MED12L: variants seen among roughly 807,000 people sequenced by gnomAD.
MED12L encodes the protein mediator of RNA polymerase II transcription subunit 12-like protein.
A neutral mutation model predicts 281.3 loss-of-function variants in MED12L; 60 were observed. The observed-to-expected ratio is 0.21, with a 90% confidence interval of 0.17 to 0.26. MED12L has a LOEUF of 0.26. MED12L is among the 10% of genes least tolerant of loss of function. The probability of loss-of-function intolerance (pLI) is 1.00; values close to 1 mark genes in which losing one functional copy is unlikely to be tolerated. For synonymous variants in MED12L, 974 were observed against 987.2 expected, an observed-to-expected ratio of 0.99 and a Z score of 0.25; for missense variants, 2,146 against 2,680.9, an observed-to-expected ratio of 0.80 and a Z score of 4.41.
At chr3:151,126,592 C>T (rs1017544109) in intron 4 of MED12L, among the ~76,000 whole-genome samples, 12 of 152,106 alleles carry the variant, frequency 7.9e-5, no homozygotes, top group African/African-American at 2.9e-4. Context: ...AGAAAAATGC[C>T]ATGCTATATC....
intron 42 of MED12L, among the ~76,000 whole-genome samples, chr3:151,414,625 C>G (rs997385559): frequency 1.3e-5 from 2 of 152,112 alleles, no homozygotes; most frequent in Admixed American, 1.3e-4. Context: ...AACACACCCT[C>G]TGGAACTGGG....
chr3:151,397,901 TG>T (rs1278975294), intron 39 of MED12L, among the ~76,000 whole-genome samples: 1 of 152,238 alleles, frequency 6.6e-6, no homozygotes, highest in African/African-American at 2.4e-5. Flanking sequence ...AAACTGATTT[TG>T]GAATTCAGCA....
chr3:151,241,176 G>C (rs555973236), intron 16 of MED12L, among the ~76,000 whole-genome samples: 6 of 152,258 alleles, frequency 3.9e-5, no homozygotes, highest in African/African-American at 1.4e-4. Context: ...TTGCCCTTTG[G>C]CATCTGGGAT....
At chr3:151,432,675 C>T in intron 44 of MED12L, 77 bp from the exon 45 acceptor site, 1 of 1,017,514 alleles carries the variant, frequency 9.8e-7, no homozygotes, top group Non-Finnish European at 1.5e-6. Flanking sequence ...GTACTGAGAG[C>T]AGTGACAAGA....
Position 151,340,434 on chromosome 3 carries a change from C to A in MED12L, c.2251-9625C>A, listed in dbSNP as rs564894860. 3.3e-5 allele frequency among the ~76,000 whole-genome samples: 5 copies of A among 152,214 alleles called. No individual in the cohort carries two copies. The South Asian group carries it at 1.0e-3, about 32-fold the overall frequency. On this transcript the variant is annotated intron_variant, in intron 16 of 44. Coordinates refer to ENST00000687756, the MANE Select transcript of MED12L (RefSeq NM_001393769.1). ...GCTAATTAACAATTGTCTCTGACAT[C>A]ACTAATTAGACTTCTATTTTAATTA...
chr3:151,391,608 A>C (rs970945680), intron 38 of MED12L, among the ~76,000 whole-genome samples: 2 of 152,114 alleles, frequency 1.3e-5, no homozygotes, highest in African/African-American at 2.4e-5. Context: ...CACAAAAAAA[A>C]CTCGTAATGT....
At chr3:151,354,841 A>G (rs1352660528) in intron 17 of MED12L, among the ~76,000 whole-genome samples, 2 of 152,216 alleles carry the variant, frequency 1.3e-5, no homozygotes, top group East Asian at 3.8e-4. Context: ...GATTTCCTTT[A>G]TATATAAAGT....
At chr3:151,270,196 CGTGTGTGTGTGTGTGT>C (rs55920434) in intron 16 of MED12L, 80 of 129,704 alleles carry the variant, frequency 6.2e-4, no homozygotes, top group African/African-American at 1.5e-3. Flanking sequence ...AGCAAGCTGT[CGTGTGTGTGTGTGTGT>C]GTGTGTGTGT....
At chr3:151,214,746 T>C (rs1276117544) in intron 16 of MED12L, among the ~76,000 whole-genome samples, 1 of 152,150 alleles carries the variant, frequency 6.6e-6, no homozygotes, top group African/African-American at 2.4e-5. Flanking sequence ...AGCATGCCCC[T>C]AAAATAATAA....
chr3:151,314,807 A>G (rs1242281118), intron 16 of MED12L, among the ~76,000 whole-genome samples: 1 of 152,118 alleles, frequency 6.6e-6, no homozygotes. Context: ...AGGGGCCTCT[A>G]ATGACCCTCT....
At chr3:151,349,956 C>CGCAAGCCA in intron 16 of MED12L, 103 bp from the exon 17 acceptor site, 1 of 1,072,662 alleles carries the variant, frequency 9.3e-7, no homozygotes. Flanking sequence ...ATGCCACCAC[C>CGCAAGCCA]GCAAGCCAGC....
chr3:151,118,183 A>G (rs1055004812), intron 3 of MED12L, among the ~76,000 whole-genome samples: 1 of 151,326 alleles, frequency 6.6e-6, no homozygotes, highest in African/African-American at 2.4e-5. Flanking sequence ...TTTGAGTTGG[A>G]TGTTAAAATA....
chr3:151,281,160 A>T (rs1742742201), intron 16 of MED12L, among the ~76,000 whole-genome samples: 1 of 147,346 alleles, frequency 6.8e-6, no homozygotes, highest in Non-Finnish European at 1.5e-5. Flanking sequence ...AGGCCGAGGC[A>T]GGCAGGTCAC....
chr3:151,193,965 C>CTTTTTT (rs34461662), intron 16 of MED12L, among the ~76,000 whole-genome samples: 45 of 123,476 alleles, frequency 3.6e-4, no homozygotes, highest in Non-Finnish European at 6.1e-4. Flanking sequence ...TTTTTCTTTT[C>CTTTTTT]TTTTTTTTTT....
At chr3:151,239,580 CCTG>C (rs1290699162) in intron 16 of MED12L, among the ~76,000 whole-genome samples, 3 of 152,054 alleles carry the variant, frequency 2.0e-5, no homozygotes, top group Non-Finnish European at 2.9e-5. Flanking sequence ...CTTGTGTTAA[CCTG>C]CTATTTAAAA....
intron 11 of MED12L, among the ~76,000 whole-genome samples, chr3:151,184,960 T>C (rs1317297227): frequency 6.6e-6 from 1 of 152,160 alleles, no homozygotes; most frequent in Non-Finnish European, 1.5e-5. Context: ...AGTAGAGTGA[T>C]GTACTTTGAC....
chr3:151,368,677 G>T (rs28624278), intron 25 of MED12L, among the ~76,000 whole-genome samples: 1,169 of 94,292 alleles, frequency 0.012, 23 homozygotes, highest in Non-Finnish European at 0.016. Flanking sequence ...TTCATTTCAT[G>T]TCATTTCATT....
At chr3:151,157,150 G>T (rs1274396707) in intron 6 of MED12L, among the ~76,000 whole-genome samples, 1 of 152,072 alleles carries the variant, frequency 6.6e-6, no homozygotes, top group African/African-American at 2.4e-5. Context: ...ACTGGGCTCA[G>T]AATTTAGTCT....
chr3:151,412,524 G>A (rs993528599), intron 41 of MED12L, among the ~76,000 whole-genome samples: 1 of 152,164 alleles, frequency 6.6e-6, no homozygotes, highest in African/African-American at 2.4e-5. Flanking sequence ...GCTGCATGAC[G>A]ACTCCAAGTA....
Sources: allele counts gnomAD v4.1 joint callset (sites outside exome capture counted in the v4.1 genomes callset), GRCh38; gene constraint gnomAD v4.1.1; transcripts MANE v1.5; gene names NCBI Gene and HGNC (gene_info 2026-07-23, HGNC 2026-07-21).